ERC2: variants seen among roughly 807,000 people sequenced by gnomAD.
ERC2 encodes ERC protein 2.
In ERC2, 42 loss-of-function variants were observed where a neutral mutation model predicts 114.8. The ratio of observed to expected loss-of-function variants is 0.37; its 90% CI spans 0.29 to 0.47. The LOEUF is 0.47. Ranked by LOEUF, ERC2 falls within the 20% of genes least tolerant of loss-of-function variation. ERC2 has a pLI of 0.99. For synonymous variants in ERC2, 454 were observed against 425.5 expected (o/e 1.07, Z -0.82); for missense variants, 939 against 1,150.7 (o/e 0.82, Z 2.66).
intron 1 of ERC2, among the ~76,000 whole-genome samples, chr3:56,443,795 C>T (rs903678103): frequency 6.6e-6 from 1 of 151,954 alleles, no homozygotes; most frequent in South Asian, 2.1e-4. Context: ...TCTTCCATTG[C>T]CCATTACTGA....
Position 56,375,555 on chromosome 3 carries a change from C to T in ERC2, c.657+58796G>A, listed in dbSNP as rs1005279000. Among the ~76,000 whole-genome samples the T allele has an allele frequency of 2.6e-5, 4 of 152,154 alleles. 1 individual carries two copies. The South Asian group carries it at 6.2e-4, about 24-fold the overall frequency. ...ACAAGACAGGCATGGTTCCTGCCCT[C>T]ATTGGGTTTATAGGCTGTTGATGGA... On this transcript the variant is annotated intron_variant, in intron 2 of 17. Transcript: ENST00000288221.
intron 15 of ERC2, among the ~76,000 whole-genome samples, chr3:55,725,295 A>C (rs2064841875): frequency 6.6e-6 from 1 of 152,210 alleles, no homozygotes; most frequent in South Asian, 2.1e-4. Context: ...TAAAAAGCAA[A>C]GAGTGAGTTT....
chr3:56,455,572 C>T (rs572552446), intron 1 of ERC2, among the ~76,000 whole-genome samples: 15 of 152,316 alleles, frequency 9.8e-5, no homozygotes, highest in Admixed American at 9.1e-4. Flanking sequence ...TTTCTCTAAA[C>T]ATTACTTTCC....
intron 2 of ERC2, among the ~76,000 whole-genome samples, chr3:56,413,461 T>C (rs1341657419): frequency 6.6e-6 from 1 of 151,784 alleles, no homozygotes; most frequent in African/African-American, 2.4e-5. Flanking sequence ...ATGGAGGGAG[T>C]AGCAAGCTTC....
intron 2 of ERC2, among the ~76,000 whole-genome samples, chr3:56,428,191 G>C (rs1254899714): frequency 6.6e-6 from 1 of 152,106 alleles, no homozygotes; most frequent in East Asian, 1.9e-4. Context: ...AATGAAGTTA[G>C]TATTTTAATA....
At chr3:56,425,690 T>G (rs573687853) in intron 2 of ERC2, among the ~76,000 whole-genome samples, 3 of 151,866 alleles carry the variant, frequency 2.0e-5, no homozygotes, top group Non-Finnish European at 2.9e-5. Flanking sequence ...TAAGATTTCA[T>G]TGAACCTCCC....
chr3:55,532,742 A>G (rs1197426551), intron 17 of ERC2, among the ~76,000 whole-genome samples: 1 of 152,278 alleles, frequency 6.6e-6, no homozygotes, highest in Non-Finnish European at 1.5e-5. Flanking sequence ...CTGCACCCCC[A>G]TCTCATGGAC....
chr3:56,152,180 G>A (rs938757490), intron 4 of ERC2, among the ~76,000 whole-genome samples: 5 of 152,078 alleles, frequency 3.3e-5, no homozygotes, highest in Non-Finnish European at 7.4e-5. Context: ...AGAAATGCTT[G>A]TTAGGAATTT....
intron 16 of ERC2, among the ~76,000 whole-genome samples, chr3:55,691,887 T>C (rs1447103711): frequency 2.0e-5 from 3 of 152,130 alleles, no homozygotes; most frequent in Non-Finnish European, 2.9e-5. Flanking sequence ...GAGAAGTTTC[T>C]AGCTAAACAT....
chr3:56,116,936 A>G (rs1451671110), intron 6 of ERC2, among the ~76,000 whole-genome samples: 3 of 152,164 alleles, frequency 2.0e-5, no homozygotes, highest in Admixed American at 6.5e-5. Context: ...ATTATGCTAA[A>G]TTTTTCACCT....
intron 17 of ERC2, among the ~76,000 whole-genome samples, chr3:55,526,183 A>G (rs1408654187): frequency 1.3e-5 from 2 of 152,122 alleles, no homozygotes; most frequent in Non-Finnish European, 2.9e-5. Context: ...CGGAAGAGGC[A>G]AGGAAGGGTC....
At chr3:55,670,126 T>A (rs373524661) in intron 17 of ERC2, among the ~76,000 whole-genome samples, 2 of 152,222 alleles carry the variant, frequency 1.3e-5, no homozygotes, top group African/African-American at 4.8e-5. Flanking sequence ...AGAAATCGCT[T>A]TCCCCATTTT....
intron 17 of ERC2, among the ~76,000 whole-genome samples, chr3:55,673,809 T>G (rs941494588): frequency 6.0e-5 from 9 of 149,800 alleles, no homozygotes; most frequent in African/African-American, 2.0e-4. Context: ...ACCAAGTTTT[T>G]TTTTTTTTTT....
At chr3:55,770,765 T>G (rs987790756) in intron 14 of ERC2, among the ~76,000 whole-genome samples, 3 of 152,134 alleles carry the variant, frequency 2.0e-5, no homozygotes. Flanking sequence ...TTATCTATAT[T>G]AGGTATTTCT....
intron 14 of ERC2, among the ~76,000 whole-genome samples, chr3:55,800,173 C>T (rs1293418782): frequency 6.6e-6 from 1 of 151,976 alleles, no homozygotes; most frequent in Admixed American, 6.6e-5. Flanking sequence ...TGGAGTCTTG[C>T]TCTGTTGCCC....
At chr3:55,653,888 C>T (rs988703239) in intron 17 of ERC2, among the ~76,000 whole-genome samples, 3 of 152,204 alleles carry the variant, frequency 2.0e-5, no homozygotes, top group Non-Finnish European at 4.4e-5. Context: ...CCAGCTCTTT[C>T]TTGGAATGCC....
intron 2 of ERC2, among the ~76,000 whole-genome samples, chr3:56,374,763 T>C (rs1466725081): frequency 6.6e-6 from 1 of 152,186 alleles, no homozygotes; most frequent in Non-Finnish European, 1.5e-5. Context: ...AGGATGCTTG[T>C]TATTTGAAGA....
At chr3:56,293,642 T>C (rs2055235741) in intron 3 of ERC2, among the ~76,000 whole-genome samples, 1 of 152,178 alleles carries the variant, frequency 6.6e-6, no homozygotes, top group Non-Finnish European at 1.5e-5. Flanking sequence ...CTCCCCCTCT[T>C]GATGAGCTAA....
chr3:56,422,137 T>C (rs559177739), intron 2 of ERC2, among the ~76,000 whole-genome samples: 2 of 152,120 alleles, frequency 1.3e-5, no homozygotes, highest in South Asian at 4.2e-4. Flanking sequence ...GAAGGCCCCC[T>C]GGACTAGGAG....
Sources: gnomAD v4.1 joint callset for allele counts (sites outside exome capture counted in the v4.1 genomes callset) on GRCh38, gnomAD v4.1.1 for gene constraint, MANE v1.5 for transcripts, NCBI Gene and HGNC (gene_info 2026-07-23, HGNC 2026-07-21) for gene names.